FBXL7: variants seen among roughly 807,000 people sequenced by gnomAD.
FBXL7 encodes F-box and leucine rich repeat protein 7.
In FBXL7, 12 loss-of-function variants were observed where a neutral mutation model predicts 38.3. The observed-to-expected ratio is 0.31, with a 90% CI of 0.20 to 0.51. The LOEUF (loss-of-function observed/expected upper bound fraction) is 0.51, where lower values mean the gene tolerates loss of function less well. Ranked by LOEUF, FBXL7 falls within the 20% of genes least tolerant of loss-of-function variation. FBXL7 has a pLI of 0.98. For missense variants in FBXL7, 567 were observed against 676.4 expected (o/e 0.84, Z 1.79); for synonymous variants, 297 against 300.9 (o/e 0.99, Z 0.13).
At chr5:15,651,213 C>G (rs1234746703) in intron 2 of FBXL7, among the ~76,000 whole-genome samples, 2 of 151,396 alleles carry the variant, frequency 1.3e-5, no homozygotes, top group Non-Finnish European at 2.9e-5. Context: ...TCTCCTGCCT[C>G]AGCCTCCTGA....
chr5:15,884,447 T>C (rs1190482661), intron 2 of FBXL7, among the ~76,000 whole-genome samples: 2 of 152,128 alleles, frequency 1.3e-5, no homozygotes, highest in African/African-American at 4.8e-5. Context: ...TTTGTATTTT[T>C]AGTAGAGATG....
rs112311719 is a variant in FBXL7, at chr5:15,772,620, A to G, written c.128-155270A>G. ...CTCTAAGTCTATTAAAATGGAAATA[A>G]TAATACCCTCTTCATGGTGTGATTG... On this transcript the variant is annotated intron_variant, in intron 2 of 3. Transcript: ENST00000504595. Among the ~76,000 whole-genome samples the G allele has an allele frequency of 3.8e-3, 583 of 152,274 alleles. 5 individuals are homozygous for G. The highest frequency in any genetic ancestry group is 0.013 in the African/African-American group (560 of 41,548).
chr5:15,568,681 T>C (rs570020248), intron 1 of FBXL7, among the ~76,000 whole-genome samples: 2 of 152,206 alleles, frequency 1.3e-5, no homozygotes, highest in East Asian at 3.9e-4. Context: ...ATGTCCTGAA[T>C]GGTATTGCCT....
At chr5:15,888,790 T>C (rs1311273415) in intron 2 of FBXL7, among the ~76,000 whole-genome samples, 1 of 152,202 alleles carries the variant, frequency 6.6e-6, no homozygotes, top group East Asian at 1.9e-4. Flanking sequence ...ATCAAGAGTT[T>C]ATTAACTAAA....
intron 2 of FBXL7, among the ~76,000 whole-genome samples, chr5:15,698,404 A>C (rs1743406121): frequency 6.6e-6 from 1 of 152,220 alleles, no homozygotes; most frequent in Non-Finnish European, 1.5e-5. Flanking sequence ...AGGAGTCCTG[A>C]TACCGAAAAA....
At chr5:15,744,239 T>C (rs905906290) in intron 2 of FBXL7, among the ~76,000 whole-genome samples, 3 of 152,214 alleles carry the variant, frequency 2.0e-5, no homozygotes, top group African/African-American at 7.2e-5. Flanking sequence ...TTCCAAACTT[T>C]TGTGCTCTGC....
At chr5:15,716,127 A>T (rs1004189730) in intron 2 of FBXL7, among the ~76,000 whole-genome samples, 8 of 152,224 alleles carry the variant, frequency 5.3e-5, no homozygotes, top group Admixed American at 3.9e-4. Context: ...ATTAAACTGG[A>T]CTATAAAACG....
At chr5:15,779,413 C>A (rs1736936654) in intron 2 of FBXL7, among the ~76,000 whole-genome samples, 1 of 152,036 alleles carries the variant, frequency 6.6e-6, no homozygotes, top group Admixed American at 6.6e-5. Context: ...TTGATCATTA[C>A]ATATTGTATA....
chr5:15,629,548 G>A (rs1205469270), intron 2 of FBXL7, among the ~76,000 whole-genome samples: 1 of 152,086 alleles, frequency 6.6e-6, no homozygotes, highest in Non-Finnish European at 1.5e-5. Context: ...CACCAGACCT[G>A]CAAATATGCC....
chr5:15,855,428 C>T (rs1470735978), intron 2 of FBXL7, among the ~76,000 whole-genome samples: 1 of 152,134 alleles, frequency 6.6e-6, no homozygotes, highest in African/African-American at 2.4e-5. Flanking sequence ...ACACAGTGGA[C>T]ACCCATACTT....
chr5:15,667,800 A>G (rs2126592881), intron 2 of FBXL7, among the ~76,000 whole-genome samples: 1 of 152,138 alleles, frequency 6.6e-6, no homozygotes, highest in South Asian at 2.1e-4. Flanking sequence ...GATGTGCTCC[A>G]TATTATTTTC....
chr5:15,866,106 C>T (rs1256722867), intron 2 of FBXL7, among the ~76,000 whole-genome samples: 1 of 152,126 alleles, frequency 6.6e-6, no homozygotes, highest in Non-Finnish European at 1.5e-5. Flanking sequence ...TATTTTTTCT[C>T]CTAGGATAAA....
chr5:15,580,578 C>T, intron 1 of FBXL7: 2 of 971,224 alleles, frequency 2.1e-6, no homozygotes, highest in Non-Finnish European at 2.4e-6. Flanking sequence ...AGTCTTTAAA[C>T]AAATCTTGCA....
At chr5:15,556,559 G>A (rs533091507) in intron 1 of FBXL7, among the ~76,000 whole-genome samples, 98 of 152,246 alleles carry the variant, frequency 6.4e-4, no homozygotes, top group Non-Finnish European at 1.1e-3. Context: ...ACCATAACAC[G>A]AGGTTTGGGA....
intron 2 of FBXL7, among the ~76,000 whole-genome samples, chr5:15,874,095 G>C (rs780788144): frequency 6.6e-6 from 1 of 152,130 alleles, no homozygotes; most frequent in Admixed American, 6.5e-5. Flanking sequence ...TTCATCCCTG[G>C]GATGCAAAGC....
chr5:15,873,257 A>G (rs1304677809), intron 2 of FBXL7, among the ~76,000 whole-genome samples: 1 of 152,208 alleles, frequency 6.6e-6, no homozygotes, highest in Non-Finnish European at 1.5e-5. Context: ...GGACACAGCT[A>G]AAGCAGTGTT....
intron 2 of FBXL7, among the ~76,000 whole-genome samples, chr5:15,687,250 G>T (rs1452394734): frequency 6.6e-6 from 1 of 152,238 alleles, no homozygotes; most frequent in East Asian, 1.9e-4. Flanking sequence ...ATGGCTGATT[G>T]TAATTCAAAA....
At chr5:15,617,585 C>G (rs902909243) in intron 2 of FBXL7, among the ~76,000 whole-genome samples, 2 of 152,192 alleles carry the variant, frequency 1.3e-5, no homozygotes, top group Non-Finnish European at 2.9e-5. Context: ...CCTACAGGCA[C>G]CTGCCACTAT....
intron 2 of FBXL7, among the ~76,000 whole-genome samples, chr5:15,665,199 G>A (rs1236080493): frequency 6.6e-6 from 1 of 152,114 alleles, no homozygotes; most frequent in Non-Finnish European, 1.5e-5. Context: ...CACTGAAATA[G>A]GTTCTATCAT....
Sources: gnomAD v4.1 joint callset for allele counts (sites outside exome capture counted in the v4.1 genomes callset) on GRCh38, gnomAD v4.1.1 for gene constraint, MANE v1.5 for transcripts, NCBI Gene and HGNC (gene_info 2026-07-23, HGNC 2026-07-21) for gene names.